Variants in PASK observed in about 807,000 individuals in gnomAD.
The protein encoded by PASK is PAS domain containing serine/threonine kinase, also known as PAS domain-containing serine/threonine-protein kinase.
Under a neutral mutation model 121.0 loss-of-function variants are expected in PASK, and 110 were observed. The ratio of observed to expected loss-of-function variants is 0.91; its 90% CI spans 0.78 to 1.06. PASK has a LOEUF of 1.06. PASK is among the 50% of genes least tolerant of loss of function. The pLI, the probability that PASK is intolerant of heterozygous loss-of-function variation, is 0.00. For missense variants in PASK, 1,643 were observed against 1,702.3 expected (o/e 0.97, Z 0.61); for synonymous variants, 686 against 717.8 (o/e 0.96, Z 0.71).
At chr2:241,121,537 T>A (rs1196021752) in intron 12 of PASK, among the ~76,000 whole-genome samples, 1 of 152,224 alleles carries the variant, frequency 6.6e-6, no homozygotes, top group Non-Finnish European at 1.5e-5. Context: ...TATCAGTAAT[T>A]TCATTAAACA....
chr2:241,135,697 C>T (rs1301540665), intron 8 of PASK, among the ~76,000 whole-genome samples, 174 bp downstream of exon 8: 2 of 151,458 alleles, frequency 1.3e-5, no homozygotes, highest in South Asian at 2.1e-4. Context: ...TCACAGCCCC[C>T]GAGACAGAGA....
intron 1 of PASK, chr2:241,145,601 T>G (rs1488849078): frequency 6.6e-6 from 1 of 151,740 alleles, no homozygotes; most frequent in African/African-American, 2.4e-5. Flanking sequence ...ACGTTAAAAT[T>G]GAGAACACAT....
intron 7 of PASK, among the ~76,000 whole-genome samples, chr2:241,136,426 C>T (rs767211409): frequency 1.4e-4 from 21 of 152,274 alleles, no homozygotes; most frequent in Non-Finnish European, 2.8e-4. Flanking sequence ...GACTGTGGGG[C>T]CTTCCTCCCA....
At position 241,112,198 on chromosome 2, in the gene PASK, C is replaced by T. The variant is rs1161463098; in HGVS notation, c.3533+42G>A. The T allele has an allele frequency of 2.7e-6, 4 of 1,491,846 alleles. No individual in the cohort carries two copies. Among genetic ancestry groups the T allele is most frequent in the Non-Finnish European group, 3.7e-6 (4 of 1,068,838 alleles). 92.4% of individuals were successfully genotyped at this position (1,491,846 alleles called of 1,614,324 possible). On this transcript the variant is annotated intron_variant, in intron 15 of 17. Transcript: ENST00000234040. The surrounding 1 kb of genome is among the most constrained non-coding windows in gnomAD (Gnocchi z 5.2). ...AATCAAGCCACCCTCAGGGTCCTGA[C>T]AGAGGACACGAGGACGGGCCGCACC...
chr2:241,137,401 GC>G lies in PASK; in HGVS notation c.877-138del. 3.9e-6 allele frequency: 3 copies of G among 760,186 alleles called. No homozygotes were observed. In the South Asian group the frequency reaches 4.2e-5, roughly 11 times the overall value. The allele number at this position is 760,186 out of a possible 1,614,324, so 47.1% of individuals were successfully genotyped here. On this transcript the variant is annotated intron_variant, in intron 6 of 17. Coordinates refer to ENST00000234040, the MANE Select transcript of PASK (RefSeq NM_015148.4). ...GGACATCTCACACCCACACTGCTCT[GC>G]CTTCCCTCTCCTCCCAGGCCCAGCT...
chr2:241,135,781 C>T, intron 8 of PASK, 90 bp downstream of exon 8: 2 of 1,282,992 alleles, frequency 1.6e-6, no homozygotes, highest in Non-Finnish European at 2.3e-6. Context: ...GGGACAATAG[C>T]TCCTGCTCCT....
At chr2:241,122,964 C>G (rs945787890) in intron 11 of PASK, 65 bp from the exon 12 acceptor site, 13 of 1,525,076 alleles carry the variant, frequency 8.5e-6, no homozygotes, top group Middle Eastern at 1.8e-4. Flanking sequence ...GCAGCACCCA[C>G]AGTGGTCCCC....
chr2:241,126,824 G>A lies in PASK; in HGVS notation c.2091C>T (p.Cys697=), dbSNP rs370256900. ...CQAVTAPVSS[C]DLGGRDLCGG... ...CGCACAGGTCTCTGCCTCCCAGATC[G>A]CAGGACGACACAGGAGCGGTGACAG... Residue 697 remains cysteine, a synonymous_variant, in exon 10 of 18, where the codon TGC becomes TGT. Coordinates refer to ENST00000234040, the MANE Select transcript of PASK (RefSeq NM_015148.4). 2.4e-5 allele frequency: 39 copies of A among 1,613,444 alleles called. No homozygotes were observed. Among genetic ancestry groups the A allele is most frequent in the Admixed American group, 5.0e-5 (3 of 59,978 alleles).
At position 241,137,963 on chromosome 2, in the gene PASK, T is replaced by C. The variant is rs761581299; in HGVS notation, c.866A>G (p.His289Arg). The C allele has an allele frequency of 6.2e-7, 1 of 1,614,224 alleles. No individual in the cohort carries two copies. Residue 289 changes from histidine (H) to arginine (R), a missense_variant, in exon 6 of 18, where the codon CAC becomes CGC. His to Arg is a conservative substitution (Grantham distance 29). Coordinates refer to ENST00000234040, the MANE Select transcript of PASK (RefSeq NM_015148.4). ...GGTCAGGAGCCCTACCTTTGGGATG[T>C]GCTGGCCAGAAGGAGGGAGCTGCAC... ...PSVQLPPSGQHIPKNLKIQRS... is the reference protein window; with the variant it reads ...PSVQLPPSGQRIPKNLKIQRS...
At position 241,123,967 on chromosome 2, in the gene PASK, G is replaced by A. The variant is rs533568232; in HGVS notation, c.2886C>T (p.Thr962=). The change falls in exon 11 of 18, where the codon ACC becomes ACT. Residue 962 remains threonine, a synonymous_variant. Transcript: ENST00000234040. ...TACCCACTTCCACCAGGCTGGGTCCGGTGAGCTCAGCAGCGGTAGAGTGGG... is the reference window on the plus strand; with the variant it reads ...TACCCACTTCCACCAGGCTGGGTCCAGTGAGCTCAGCAGCGGTAGAGTGGG... ...GSTHSTAAEL[T]GPSLVEVLRA... is the part of the protein sequence containing the mutation. The A allele has an allele frequency of 8.1e-6, 13 of 1,613,712 alleles. No individual in the cohort carries two copies. The highest frequency in any genetic ancestry group is 4.5e-5 in the East Asian group (2 of 44,880).
chr2:241,113,473 T>C (rs745923036), intron 14 of PASK: 1 of 150,524 alleles, frequency 6.6e-6, no homozygotes, highest in South Asian at 2.1e-4. Context: ...TATACACACC[T>C]GCATACACAC....
chr2:241,108,984 CCG>C lies in PASK; in HGVS notation c.3534-686_3534-685del, dbSNP rs2064997588. On this transcript the variant is annotated intron_variant, in intron 15 of 17. Coordinates refer to ENST00000234040, the MANE Select transcript of PASK (RefSeq NM_015148.4). This position sits in a 1 kb window ranked among gnomAD's most constrained non-coding sequence, Gnocchi z 5.2. ...CCACGCTACCATTTATTTCCTGTCA[CCG>C]TAAACATCCTCATCCACGCTACCAT... is the stretch of plus-strand genomic sequence containing the variant. The C allele has an allele frequency of 6.4e-6, 1 of 155,172 alleles. No individual in the cohort carries two copies. Among genetic ancestry groups the C allele is most frequent in the Non-Finnish European group, 1.4e-5 (1 of 70,110 alleles). The allele number at this position is 155,172 out of a possible 1,614,324, so 9.6% of individuals were successfully genotyped here.
intron 15 of PASK, among the ~76,000 whole-genome samples, chr2:241,110,681 G>A (rs765415346): frequency 7.9e-5 from 12 of 152,164 alleles, no homozygotes; most frequent in Non-Finnish European, 1.5e-4. Flanking sequence ...CACGGCCTGG[G>A]TACAGGAAGG....
Position 241,116,476 on chromosome 2 carries a change from G to A in PASK, c.3073-1063C>T, listed in dbSNP as rs116584708. Among the ~76,000 whole-genome samples the A allele has an allele frequency of 6.2e-3, 939 of 152,300 alleles. 8 individuals carry two copies. Among genetic ancestry groups the A allele is most frequent in the African/African-American group, 0.02 (851 of 41,556 alleles). On this transcript the variant is annotated intron_variant, in intron 12 of 17. Transcript: ENST00000234040. ...GGCATGTGCCCCGGAGAACATCCAC[G>A]TCACCCCGACTTCTCAACCAAGGAC...
rs1407237886 is a variant in PASK at position 241,127,001 on chromosome 2, A to C, written c.1914T>G (p.Phe638Leu). ...PSPSGMAGLS[F>L]GTPTLDEPWL... ...ACGGCTCATCTAGAGTAGGTGTCCC[A>C]AACGAGAGGCCTGCCATCCCAGAGG... Residue 638 changes from phenylalanine (F) to leucine (L), a missense_variant, in exon 10 of 18, where the codon TTT becomes TTG. Around this residue, in one of 3 missense-constraint regions of PASK, gnomAD observed 1,176 missense variants for 1,162.2 expected, o/e 1.01. Coordinates refer to ENST00000234040, the MANE Select transcript of PASK (RefSeq NM_015148.4). The C allele has an allele frequency of 8.1e-6, 13 of 1,614,244 alleles. No individual in the cohort carries two copies. In the East Asian group the frequency reaches 2.5e-4, roughly 30 times the overall value.
Position 241,137,032 on chromosome 2 carries a change from CCAAA to C in PASK, c.1105_1108del (p.Phe369ValfsTer15), listed in dbSNP as rs1413068565. On this transcript the variant is annotated frameshift_variant, in exon 7 of 18. Coordinates refer to ENST00000234040, the MANE Select transcript of PASK (RefSeq NM_015148.4). LOFTEE classifies it high-confidence loss of function. ...GCCCAGGAGCTCCGTCTTTCCGTAACCAAACAGTGTCAGCGCGAAGCTGTGGTTG... is the reference window on the plus strand; with the variant it reads ...GCCCAGGAGCTCCGTCTTTCCGTAACCAGTGTCAGCGCGAAGCTGTGGTTG... 1.2e-5 allele frequency: 20 copies of C among 1,613,584 alleles called. No individual in the cohort carries two copies. Among genetic ancestry groups the C allele is most frequent in the East Asian group, 2.2e-5 (1 of 44,884 alleles).
At chr2:241,139,800 G>C in intron 4 of PASK, 85 bp downstream of exon 4, 1 of 1,307,712 alleles carries the variant, frequency 7.6e-7, no homozygotes, top group Non-Finnish European at 1.1e-6. Flanking sequence ...CCCCAGCAGA[G>C]CTCCTGGTAG....
chr2:241,114,803 A>C, intron 14 of PASK: 1 of 1,430,558 alleles, frequency 7.0e-7, no homozygotes, highest in East Asian at 2.5e-5. Context: ...ACCATTAAAC[A>C]TACTTTCTCA....
chr2:241,132,376 C>T (rs1426434047), intron 9 of PASK, among the ~76,000 whole-genome samples: 6 of 151,304 alleles, frequency 4.0e-5, no homozygotes, highest in South Asian at 4.2e-4. Context: ...AGTAACCGGG[C>T]GTGGTGGCGG....
Sources: allele counts gnomAD v4.1 joint callset (sites outside exome capture counted in the v4.1 genomes callset), GRCh38; gene constraint gnomAD v4.1.1; regional missense constraint gnomAD v4.1.1; non-coding constraint Gnocchi (gnomAD v3.1); transcripts MANE v1.5; gene names NCBI Gene and HGNC (gene_info 2026-07-23, HGNC 2026-07-21).